PTPRN2: variants seen among roughly 807,000 people sequenced by gnomAD.
PTPRN2 encodes the protein protein tyrosine phosphatase receptor type N2, also known as receptor-type tyrosine-protein phosphatase N2.
In PTPRN2, 74 loss-of-function variants were observed where a neutral mutation model predicts 118.8. The observed-to-expected ratio is 0.62, with a 90% confidence interval of 0.52 to 0.76. The LOEUF is 0.76. Ranked by LOEUF, PTPRN2 falls within the 30% of genes least tolerant of loss-of-function variation. PTPRN2 has a pLI of 0.00. For missense variants in PTPRN2, 1,481 were observed against 1,394.4 expected (o/e 1.06, Z -0.99); for synonymous variants, 641 against 608.0 (o/e 1.05, Z -0.80).
intron 3 of PTPRN2, among the ~76,000 whole-genome samples, chr7:158,271,156 G>A (rs1328518737): frequency 7.0e-6 from 1 of 143,240 alleles, no homozygotes; most frequent in East Asian, 2.0e-4. Context: ...AGTAACTGTG[G>A]GATGGAAACA....
At chr7:157,746,577 C>T (rs561933143) in intron 12 of PTPRN2, among the ~76,000 whole-genome samples, 3 of 150,262 alleles carry the variant, frequency 2.0e-5, no homozygotes, top group African/African-American at 4.9e-5. Flanking sequence ...GGGCCAAGGG[C>T]GTGGAGATCA....
At chr7:158,333,735 C>T (rs553037114) in intron 2 of PTPRN2, among the ~76,000 whole-genome samples, 1 of 133,130 alleles carries the variant, frequency 7.5e-6, no homozygotes, top group South Asian at 2.4e-4. Flanking sequence ...GTCACTCACA[C>T]ACATACTCTC....
chr7:158,476,839 T>C (rs1733123), intron 2 of PTPRN2, among the ~76,000 whole-genome samples: 107,155 of 152,188 alleles, frequency 0.7, 37,937 homozygotes, highest in Admixed American at 0.78. Flanking sequence ...GAGAGAAAAG[T>C]CTGGAAAGTT....
intron 2 of PTPRN2, among the ~76,000 whole-genome samples, chr7:158,437,190 T>C (rs986494746): frequency 5.9e-5 from 9 of 152,188 alleles, no homozygotes; most frequent in Non-Finnish European, 1.0e-4. Flanking sequence ...AGGGACCTTC[T>C]TCCAGCTCAC....
intron 9 of PTPRN2, among the ~76,000 whole-genome samples, chr7:158,116,100 T>C (rs937911041): frequency 3.1e-4 from 47 of 152,348 alleles, no homozygotes; most frequent in African/African-American, 1.1e-3. Context: ...TCCCTGCACA[T>C]GGACACAAGT....
At chr7:157,897,613 C>A (rs573278658) in intron 12 of PTPRN2, among the ~76,000 whole-genome samples, 2 of 152,232 alleles carry the variant, frequency 1.3e-5, no homozygotes, top group Non-Finnish European at 2.9e-5. Flanking sequence ...GTCATTTAAC[C>A]CAGACGCAGC....
intron 3 of PTPRN2, among the ~76,000 whole-genome samples, chr7:158,219,262 A>G (rs1422135602): frequency 1.3e-5 from 2 of 152,128 alleles, no homozygotes; most frequent in Non-Finnish European, 2.9e-5. Flanking sequence ...AAACAAGAAG[A>G]TCTCTCAAAA....
rs145075494 is a variant in PTPRN2, at chr7:157,974,033, T to A, written c.1724-75296A>T. On this transcript the variant is annotated intron_variant, in intron 11 of 22. Coordinates refer to ENST00000389418, the MANE Select transcript of PTPRN2 (RefSeq NM_002847.5). The surrounding 1 kb of genome is among the most constrained non-coding windows in gnomAD (Gnocchi z 4.0). ...ATTTATATTAGATCTCTCTGACCAC[T>A]GCTGTTGACGTTGGCGGGGTAGCAG... is the stretch of plus-strand genomic sequence containing the variant. 1.3e-5 allele frequency among the ~76,000 whole-genome samples: 2 copies of A among 152,340 alleles called. No individual in the cohort carries two copies. The highest frequency in any genetic ancestry group is 2.9e-5 in the Non-Finnish European group (2 of 68,032).
Position 157,820,268 on chromosome 7 carries a change from C to T in PTPRN2, c.1788+78405G>A, listed in dbSNP as rs184982351. 3.9e-5 allele frequency among the ~76,000 whole-genome samples: 6 copies of T among 151,976 alleles called. No homozygotes were observed. The East Asian group carries it at 5.8e-4, about 15-fold the overall frequency. ...GCAATCCACACATGCAGCAGACACA[C>T]ACACGTGCACACACCACACCCATGT... On this transcript the variant is annotated intron_variant, in intron 12 of 22. Coordinates refer to ENST00000389418, the MANE Select transcript of PTPRN2 (RefSeq NM_002847.5).
At chr7:157,804,193 A>G (rs1805489329) in intron 12 of PTPRN2, among the ~76,000 whole-genome samples, 1 of 152,206 alleles carries the variant, frequency 6.6e-6, no homozygotes, top group African/African-American at 2.4e-5. Context: ...TGTTTACCCA[A>G]TGCCCCCGCG....
chr7:157,644,400 G>A (rs1474090476), intron 14 of PTPRN2, among the ~76,000 whole-genome samples: 7 of 152,194 alleles, frequency 4.6e-5, no homozygotes, highest in South Asian at 2.1e-4. Context: ...GAGGGATGTC[G>A]TCACGGCAGC....
chr7:158,392,351 C>T (rs879445371), intron 2 of PTPRN2, among the ~76,000 whole-genome samples: 2 of 152,186 alleles, frequency 1.3e-5, no homozygotes, highest in Admixed American at 6.5e-5. Flanking sequence ...CTCATGAGAC[C>T]GTGGCTGAGC....
At chr7:157,658,190 C>T (rs945171829) in intron 13 of PTPRN2, among the ~76,000 whole-genome samples, 5 of 152,088 alleles carry the variant, frequency 3.3e-5, no homozygotes, top group Middle Eastern at 3.2e-3. Flanking sequence ...CAGGGGAGGC[C>T]GGGGGCGGTT....
chr7:158,076,854 AG>A (rs1375906864), intron 11 of PTPRN2, among the ~76,000 whole-genome samples: 3 of 152,166 alleles, frequency 2.0e-5, no homozygotes, highest in Non-Finnish European at 4.4e-5. Context: ...GAGCTTCTGG[AG>A]GGCAGGGCCA....
chr7:157,904,073 T>G (rs1797619379), intron 11 of PTPRN2, among the ~76,000 whole-genome samples: 1 of 152,204 alleles, frequency 6.6e-6, no homozygotes, highest in African/African-American at 2.4e-5. Flanking sequence ...CTCTGGTCTC[T>G]TATGCTATTA....
chr7:158,225,606 C>A (rs567780155), intron 3 of PTPRN2, among the ~76,000 whole-genome samples: 1 of 151,998 alleles, frequency 6.6e-6, no homozygotes, highest in Non-Finnish European at 1.5e-5. Context: ...AATGCAGGTA[C>A]GTAATTAGCT....
At chr7:158,280,505 C>G (rs1270155862) in intron 3 of PTPRN2, among the ~76,000 whole-genome samples, 1 of 152,222 alleles carries the variant, frequency 6.6e-6, no homozygotes, top group African/African-American at 2.4e-5. Context: ...TTAATTGGTC[C>G]TCTCCAGGGG....
intron 11 of PTPRN2, among the ~76,000 whole-genome samples, chr7:158,054,596 C>T (rs575703535): frequency 6.6e-6 from 1 of 152,368 alleles, no homozygotes; most frequent in East Asian, 1.9e-4. Context: ...CAGGTGCAGC[C>T]TCCTCTCCAG....
At chr7:157,569,340 T>C (rs773112561) in intron 20 of PTPRN2, among the ~76,000 whole-genome samples, 2 of 152,258 alleles carry the variant, frequency 1.3e-5, no homozygotes, top group Admixed American at 6.5e-5. Context: ...GCAAGGTGCC[T>C]TCTCTAGTGT....
Sources: allele counts gnomAD v4.1 joint callset (sites outside exome capture counted in the v4.1 genomes callset), GRCh38; gene constraint gnomAD v4.1.1; non-coding constraint Gnocchi (gnomAD v3.1); transcripts MANE v1.5; gene names NCBI Gene and HGNC (gene_info 2026-07-23, HGNC 2026-07-21).